The following PARD3B variants were observed in gnomAD, a reference collection of about 807,000 sequenced individuals.
The protein encoded by PARD3B is partitioning defective 3 homolog B.
PARD3B carries 103 observed loss-of-function variants against 130.2 expected under a neutral mutation model. The ratio of observed to expected loss-of-function variants is 0.79; its 90% CI spans 0.67 to 0.93. PARD3B has a LOEUF of 0.93. Ranked by LOEUF, PARD3B falls within the 40% of genes least tolerant of loss-of-function variation. PARD3B has a pLI of 0.00. For synonymous variants in PARD3B, 583 were observed against 553.2 expected (o/e 1.05, Z -0.76); for missense variants, 1,609 against 1,499.2 (o/e 1.07, Z -1.21).
intron 22 of PARD3B, among the ~76,000 whole-genome samples, chr2:205,602,839 G>T (rs1446421027): frequency 6.6e-6 from 1 of 151,700 alleles, no homozygotes; most frequent in Admixed American, 6.6e-5. Context: ...TTTTTTGAAA[G>T]GTTTTTCATG....
At chr2:205,109,715 G>C (rs1049235503) in intron 5 of PARD3B, among the ~76,000 whole-genome samples, 2 of 135,046 alleles carry the variant, frequency 1.5e-5, no homozygotes, top group Non-Finnish European at 3.1e-5. Context: ...GTGAAGTGGT[G>C]TGATCTCCGC....
At chr2:204,863,982 A>T (rs10189739) in intron 2 of PARD3B, among the ~76,000 whole-genome samples, 1 of 152,090 alleles carries the variant, frequency 6.6e-6, no homozygotes, top group African/African-American at 2.4e-5. Flanking sequence ...AAAAAAGTTT[A>T]AGTGTATCAC....
intron 5 of PARD3B, 99 bp from the exon 6 acceptor site, chr2:205,113,392 G>C (rs969803187): frequency 1.8e-6 from 1 of 546,134 alleles, no homozygotes; most frequent in African/African-American, 2.9e-5. Context: ...TCCTGAGCAG[G>C]GGTGTGTGTG....
At chr2:205,214,251 CTGTT>C (rs2037797284) in intron 15 of PARD3B, among the ~76,000 whole-genome samples, 2 of 151,978 alleles carry the variant, frequency 1.3e-5, no homozygotes, top group East Asian at 1.9e-4. Context: ...TTTCATAAAA[CTGTT>C]TGCACAAAAA....
intron 1 of PARD3B, among the ~76,000 whole-genome samples, chr2:204,661,924 G>C (rs2098461): frequency 0.66 from 100,148 of 151,986 alleles, 36,858 homozygotes; most frequent in South Asian, 0.81. Flanking sequence ...CAAATATGTA[G>C]CTGGAAAAGA....
chr2:204,848,250 G>A (rs766181691), intron 2 of PARD3B, among the ~76,000 whole-genome samples: 22 of 152,182 alleles, frequency 1.4e-4, no homozygotes, highest in Non-Finnish European at 2.5e-4. Flanking sequence ...ATCTACTGGC[G>A]GTCTTGGAGC....
At chr2:204,842,684 A>G (rs917563400) in intron 2 of PARD3B, among the ~76,000 whole-genome samples, 2 of 152,218 alleles carry the variant, frequency 1.3e-5, no homozygotes, top group Non-Finnish European at 2.9e-5. Context: ...AATGTCTGGA[A>G]AAGATGATTT....
rs1490216544 is a variant in PARD3B, at chr2:205,144,899, C to G, written c.1435-13823C>G. ...TTTTATTGTTTGATTTTCTTAGAAGCTTTAACCAACGAAAAGAAACTCCCC... is the reference window on the plus strand; with the variant it reads ...TTTTATTGTTTGATTTTCTTAGAAGGTTTAACCAACGAAAAGAAACTCCCC... On this transcript the variant is annotated intron_variant, in intron 10 of 22. Transcript: ENST00000406610. Among the ~76,000 whole-genome samples the G allele has an allele frequency of 2.0e-5, 3 of 152,162 alleles. No homozygotes were observed. The East Asian group carries it at 5.8e-4, about 29-fold the overall frequency.
intron 16 of PARD3B, chr2:205,293,952 T>C (rs2041699342): frequency 6.6e-6 from 1 of 152,122 alleles, no homozygotes; most frequent in African/African-American, 2.4e-5. Context: ...GTAGGAAAAT[T>C]TCCCACACTG....
intron 20 of PARD3B, among the ~76,000 whole-genome samples, chr2:205,489,432 A>G (rs2049580362): frequency 6.6e-6 from 1 of 151,212 alleles, no homozygotes; most frequent in Non-Finnish European, 1.5e-5. Context: ...AGCTATTATC[A>G]CACCATGTAC....
chr2:205,243,854 G>T (rs1043016347), intron 15 of PARD3B, among the ~76,000 whole-genome samples: 4 of 152,152 alleles, frequency 2.6e-5, no homozygotes, highest in African/African-American at 9.7e-5. Context: ...TGAATGAATA[G>T]ATACAAAGTG....
At chr2:205,205,678 G>A (rs1456560827) in intron 15 of PARD3B, among the ~76,000 whole-genome samples, 4 of 152,084 alleles carry the variant, frequency 2.6e-5, no homozygotes, top group African/African-American at 9.7e-5. Flanking sequence ...TTTATTAAAG[G>A]CCTTTTCTGC....
intron 2 of PARD3B, among the ~76,000 whole-genome samples, chr2:204,962,959 A>G (rs1221931276): frequency 1.4e-5 from 2 of 146,198 alleles, no homozygotes; most frequent in Non-Finnish European, 2.9e-5. Context: ...AAGAAAAGTT[A>G]CGTTTTGCCT....
At chr2:205,542,949 G>C (rs1452359566) in intron 21 of PARD3B, among the ~76,000 whole-genome samples, 1 of 152,168 alleles carries the variant, frequency 6.6e-6, no homozygotes, top group Non-Finnish European at 1.5e-5. Context: ...TGAGGGTAAA[G>C]CTCCCTTTAA....
intron 3 of PARD3B, among the ~76,000 whole-genome samples, chr2:205,029,256 C>T (rs888328656): frequency 6.6e-6 from 1 of 152,158 alleles, no homozygotes; most frequent in African/African-American, 2.4e-5. Context: ...CCTTTCTCCA[C>T]TATTCACCAC....
chr2:205,057,277 A>G (rs1481860463), intron 4 of PARD3B, among the ~76,000 whole-genome samples: 1 of 149,496 alleles, frequency 6.7e-6, no homozygotes, highest in African/African-American at 2.5e-5. Flanking sequence ...TATGTATGTT[A>G]TATACATATA....
chr2:205,021,739 GA>G lies in PARD3B; in HGVS notation c.395-25839del, dbSNP rs1212917854. ...AATAAACTTCCATTTTAAATATGAG[GA>G]AACCAAGACTTAAGGAGGTTAAGGA... On this transcript the variant is annotated intron_variant, in intron 3 of 22. Coordinates refer to ENST00000406610, the MANE Select transcript of PARD3B (RefSeq NM_001302769.2). This position sits in a 1 kb window ranked among gnomAD's most constrained non-coding sequence, Gnocchi z 4.5. Among the ~76,000 whole-genome samples the G allele has an allele frequency of 6.6e-6, 1 of 151,348 alleles. No individual in the cohort carries two copies. Among genetic ancestry groups the G allele is most frequent in the Non-Finnish European group, 1.5e-5 (1 of 67,912 alleles).
intron 22 of PARD3B, among the ~76,000 whole-genome samples, chr2:205,567,480 A>ATTTT (rs2053394852): frequency 1.0e-4 from 1 of 9,796 alleles, no homozygotes; most frequent in Admixed American, 2.2e-3. Flanking sequence ...ATGCCCGGTT[A>ATTTT]ATTTTTTTTT....
chr2:205,516,094 C>A (rs1427475226), intron 21 of PARD3B, among the ~76,000 whole-genome samples: 2 of 152,078 alleles, frequency 1.3e-5, no homozygotes, highest in Non-Finnish European at 2.9e-5. Flanking sequence ...TATGAAAGAT[C>A]AGGTGGTCAT....
Sources: gnomAD v4.1 joint callset for allele counts (sites outside exome capture counted in the v4.1 genomes callset) on GRCh38, gnomAD v4.1.1 for gene constraint, Gnocchi (gnomAD v3.1) non-coding constraint, MANE v1.5 for transcripts, NCBI Gene and HGNC (gene_info 2026-07-23, HGNC 2026-07-21) for gene names.